GRM8: variants seen among roughly 807,000 people sequenced by gnomAD.
GRM8 encodes glutamate metabotropic receptor 8.
A neutral mutation model predicts 87.2 loss-of-function variants in GRM8; 47 were observed. The observed-to-expected ratio is 0.54, with a 90% CI of 0.43 to 0.69. The LOEUF (loss-of-function observed/expected upper bound fraction) is 0.69. Ranked by LOEUF, GRM8 falls within the 30% of genes least tolerant of loss-of-function variation. The pLI, the probability that GRM8 is intolerant of heterozygous loss-of-function variation, is 0.00. For synonymous variants in GRM8, 396 were observed against 404.5 expected (o/e 0.98, Z 0.25); for missense variants, 1,019 against 1,139.2 (o/e 0.89, Z 1.52).
chr7:126,475,870 A>G (rs1268508601), intron 9 of GRM8, among the ~76,000 whole-genome samples: 1 of 152,184 alleles, frequency 6.6e-6, no homozygotes, highest in Non-Finnish European at 1.5e-5. Flanking sequence ...TGGGGAAAAC[A>G]TCATCCAACA....
intron 2 of GRM8, among the ~76,000 whole-genome samples, chr7:127,168,240 C>A (rs1793572363): frequency 6.6e-6 from 1 of 152,090 alleles, no homozygotes; most frequent in Admixed American, 6.6e-5. Context: ...ATGCAGAAAA[C>A]AAACATATTT....
At chr7:126,926,357 T>C (rs1805119291) in intron 3 of GRM8, among the ~76,000 whole-genome samples, 3 of 152,182 alleles carry the variant, frequency 2.0e-5, no homozygotes, top group Admixed American at 1.3e-4. Flanking sequence ...TGTGCTTAAT[T>C]GCCCTCATTC....
At chr7:126,589,400 T>G (rs1796467115) in intron 8 of GRM8, among the ~76,000 whole-genome samples, 1 of 152,048 alleles carries the variant, frequency 6.6e-6, no homozygotes, top group South Asian at 2.1e-4. Flanking sequence ...GAGGCAGCCA[T>G]AATCCTACTG....
At chr7:126,911,849 G>C (rs558108169) in intron 3 of GRM8, among the ~76,000 whole-genome samples, 1 of 152,306 alleles carries the variant, frequency 6.6e-6, no homozygotes, top group East Asian at 1.9e-4. Context: ...GTATCAGTTT[G>C]ACTGGGCCAC....
intron 7 of GRM8, among the ~76,000 whole-genome samples, chr7:126,644,167 G>T (rs1473376311): frequency 2.0e-5 from 3 of 152,136 alleles, no homozygotes; most frequent in African/African-American, 7.2e-5. Flanking sequence ...GAATCAATCA[G>T]TCCAAACTTT....
chr7:127,179,592 G>A (rs1277501555), intron 2 of GRM8, among the ~76,000 whole-genome samples: 1 of 152,012 alleles, frequency 6.6e-6, no homozygotes, highest in African/African-American at 2.4e-5. Context: ...TAGACCATAT[G>A]ACAGGCCATA....
At chr7:127,127,985 T>C (rs1310054078) in intron 2 of GRM8, among the ~76,000 whole-genome samples, 2 of 152,242 alleles carry the variant, frequency 1.3e-5, no homozygotes, top group East Asian at 1.9e-4. Context: ...TGACATATCT[T>C]ATCTCCACTG....
chr7:126,961,519 G>A lies in GRM8; in HGVS notation c.728-56836C>T, dbSNP rs1322733423. On this transcript the variant is annotated intron_variant, in intron 3 of 10. Transcript: ENST00000339582. ...GGCCTGTAAACTATGGGATGTGTGCGTTCATTCTAGTCCTGTCAGCACCAT... is the reference window on the plus strand; with the variant it reads ...GGCCTGTAAACTATGGGATGTGTGCATTCATTCTAGTCCTGTCAGCACCAT... 6.6e-5 allele frequency among the ~76,000 whole-genome samples: 10 copies of A among 152,142 alleles called. 1 individual carries two copies. The highest frequency in any genetic ancestry group is 2.1e-4 in the South Asian group (1 of 4,826).
chr7:126,816,029 A>G (rs536153468), intron 6 of GRM8, among the ~76,000 whole-genome samples: 1 of 152,124 alleles, frequency 6.6e-6, no homozygotes, highest in Admixed American at 6.5e-5. Flanking sequence ...TAGTCACAAT[A>G]TATGAAAATA....
intron 7 of GRM8, among the ~76,000 whole-genome samples, chr7:126,712,301 C>T (rs1811186575): frequency 6.6e-6 from 1 of 152,034 alleles, no homozygotes; most frequent in African/African-American, 2.4e-5. Context: ...TATTAAGTTT[C>T]CCATCTTATA....
chr7:127,087,369 C>T (rs1447508995), intron 3 of GRM8, among the ~76,000 whole-genome samples: 1 of 152,150 alleles, frequency 6.6e-6, no homozygotes, highest in Non-Finnish European at 1.5e-5. Context: ...ACCAATATAC[C>T]TTCCAGATGG....
chr7:126,701,268 C>G (rs1221413877), intron 7 of GRM8, among the ~76,000 whole-genome samples: 1 of 152,162 alleles, frequency 6.6e-6, no homozygotes, highest in Non-Finnish European at 1.5e-5. Context: ...TGCATCACAT[C>G]ACACAGACAT....
At chr7:126,506,726 C>G (rs1053607589) in intron 9 of GRM8, among the ~76,000 whole-genome samples, 11 of 151,754 alleles carry the variant, frequency 7.2e-5, no homozygotes, top group Admixed American at 5.9e-4. Flanking sequence ...TTGCCGAGAG[C>G]TGAGATCACA....
intron 7 of GRM8, among the ~76,000 whole-genome samples, chr7:126,648,193 C>T (rs1405998637): frequency 6.6e-6 from 1 of 152,108 alleles, no homozygotes; most frequent in Non-Finnish European, 1.5e-5. Context: ...ACCTTTTTAT[C>T]CTGTCAGTGT....
chr7:126,440,466 A>G (rs565202945), intron 10 of GRM8, among the ~76,000 whole-genome samples: 56 of 151,374 alleles, frequency 3.7e-4, no homozygotes, highest in Non-Finnish European at 7.1e-4. Context: ...AGGACTTCAC[A>G]TTCAATCACC....
intron 6 of GRM8, among the ~76,000 whole-genome samples, chr7:126,803,534 A>G (rs143611899): frequency 2.0e-5 from 3 of 152,176 alleles, no homozygotes; most frequent in East Asian, 3.8e-4. Flanking sequence ...TAGCTGTCTT[A>G]TTATCAATGT....
chr7:126,727,503 C>T (rs1813128491), intron 7 of GRM8, among the ~76,000 whole-genome samples: 1 of 151,988 alleles, frequency 6.6e-6, no homozygotes, highest in South Asian at 2.1e-4. Context: ...GTAGATGTCC[C>T]AGATACAAAC....
chr7:127,161,005 G>T (rs1217907852), intron 2 of GRM8, among the ~76,000 whole-genome samples: 1 of 152,104 alleles, frequency 6.6e-6, no homozygotes, highest in Non-Finnish European at 1.5e-5. Flanking sequence ...AAGGACGATG[G>T]TTATTTCTGG....
intron 9 of GRM8, among the ~76,000 whole-genome samples, chr7:126,451,469 C>G (rs781474134): frequency 1.3e-5 from 2 of 151,730 alleles, no homozygotes; most frequent in African/African-American, 4.8e-5. Flanking sequence ...TGGATCAGTA[C>G]TGTAACTGTC....
Sources: allele counts gnomAD v4.1 joint callset (sites outside exome capture counted in the v4.1 genomes callset), GRCh38; gene constraint gnomAD v4.1.1; transcripts MANE v1.5; gene names NCBI Gene and HGNC (gene_info 2026-07-23, HGNC 2026-07-21).